The following ARHGEF37 variants were observed in gnomAD, a reference collection of about 807,000 sequenced individuals.
The protein encoded by ARHGEF37 is Rho guanine nucleotide exchange factor (GEF) 37.
A neutral mutation model predicts 71.1 loss-of-function variants in ARHGEF37; 55 were observed. That is an observed-to-expected ratio of 0.77 (90% confidence interval 0.62 to 0.97). The LOEUF (loss-of-function observed/expected upper bound fraction) is 0.97, where lower values mean the gene tolerates loss of function less well. Among genes scored for constraint, ARHGEF37 ranks in the 50% least tolerant of loss-of-function variants. The pLI is 0.00. For synonymous variants in ARHGEF37, 327 were observed against 350.6 expected (o/e 0.93, Z 0.75); for missense variants, 765 against 836.8 (o/e 0.91, Z 1.06).
At chr5:149,563,665 C>G (rs779128987) in intron 1 of ARHGEF37, among the ~76,000 whole-genome samples, 7 of 152,178 alleles carry the variant, frequency 4.6e-5, no homozygotes, top group Admixed American at 2.6e-4. Flanking sequence ...GGGAGGGAGA[C>G]AAGCTTTCAG....
Position 149,627,250 on chromosome 5 carries a change from C to T in ARHGEF37, c.1639C>T (p.Arg547Cys), listed in dbSNP as rs201376691. 3.2e-5 allele frequency: 51 copies of T among 1,613,806 alleles called. No individual in the cohort carries two copies. Among genetic ancestry groups the T allele is most frequent in the East Asian group, 6.7e-5 (3 of 44,860 alleles). ...CAAGGACACCAAAGGCAACAGCGGCCGCTGGCTGGTGGACACCGGGGGTAC... is the reference window on the plus strand; with the variant it reads ...CAAGGACACCAAAGGCAACAGCGGCTGCTGGCTGGTGGACACCGGGGGTAC... ...QNKDTKGNSG[R>C]WLVDTGGHRG... The change falls in exon 11 of 13, where the codon CGC becomes TGC. Residue 547 changes from arginine to cysteine, a missense_variant. Around this residue, in one of 5 missense-constraint regions of ARHGEF37, gnomAD observed 390 missense variants for 407.4 expected, o/e 0.96. Transcript: ENST00000333677.
chr5:149,563,675 G>T (rs1362973126), intron 1 of ARHGEF37, among the ~76,000 whole-genome samples: 1 of 152,174 alleles, frequency 6.6e-6, no homozygotes, highest in Non-Finnish European at 1.5e-5. Context: ...CAAGCTTTCA[G>T]CTGAAATAGA....
Position 149,618,964 on chromosome 5 carries a change from A to G in ARHGEF37, c.816A>G (p.Leu272=), listed in dbSNP as rs1338073004. ...CAGAAGACAAGGAATTTGATGATTTAGAAGAGAGGTTCCAGTGGGTGTCTC... is the reference window on the plus strand; with the variant it reads ...CAGAAGACAAGGAATTTGATGATTTGGAAGAGAGGTTCCAGTGGGTGTCTC... ...PRTEDKEFDD[L]EERFQWVSLC... Residue 272 remains leucine (L), a synonymous_variant, in exon 7 of 13, where the codon TTA becomes TTG. Transcript: ENST00000333677. 4 of 1,614,116 alleles carry G rather than the reference A, an allele frequency of 2.5e-6. No individual in the cohort carries two copies. The highest frequency in any genetic ancestry group is 3.4e-6 in the Non-Finnish European group (4 of 1,179,952).
chr5:149,583,439 A>G (rs191181658), intron 1 of ARHGEF37, among the ~76,000 whole-genome samples: 79 of 151,770 alleles, frequency 5.2e-4, no homozygotes, highest in African/African-American at 1.9e-3. Context: ...CCTGGCCTAT[A>G]GAGTTTGTTT....
rs192594157 is a variant in ARHGEF37, at chr5:149,631,195, G to A, written c.1819-787G>A. ...TTCTTTTTTTCTTTTTTTTTTTTTCGGGGTCTGGCTCTGTGGCCCAGGCTG... is the reference window on the plus strand; with the variant it reads ...TTCTTTTTTTCTTTTTTTTTTTTTCAGGGTCTGGCTCTGTGGCCCAGGCTG... On this transcript the variant is annotated intron_variant, in intron 12 of 12. Transcript: ENST00000333677. Among the ~76,000 whole-genome samples, 81 of 127,138 alleles carry A rather than the reference G, an allele frequency of 6.4e-4. 1 individual carries two copies. Among genetic ancestry groups the A allele is most frequent in the African/African-American group, 2.2e-3 (73 of 32,952 alleles). 83.4% of individuals were successfully genotyped at this position (127,138 alleles called of 152,430 possible).
At position 149,627,244 on chromosome 5, in the gene ARHGEF37, A is replaced by C; in HGVS notation, c.1633A>C (p.Ser545Arg). ...TCAAAACAAGGACACCAAAGGCAAC[A>C]GCGGCCGCTGGCTGGTGGACACCGG... ...ILQNKDTKGN[S>R]GRWLVDTGGH... Residue 545 changes from serine to arginine, a missense_variant, in exon 11 of 13, where the codon AGC becomes CGC. Physicochemically the swap from Ser to Arg is moderately radical, Grantham distance 110. Transcript: ENST00000333677. 1 of 1,613,914 alleles carries C rather than the reference A, an allele frequency of 6.2e-7. No individual in the cohort carries two copies. The highest frequency in any genetic ancestry group is 1.1e-5 in the South Asian group (1 of 91,078).
chr5:149,622,128 C>CACACACATCCT lies in ARHGEF37; in HGVS notation c.1335+67_1335+68insCACACATCCTA, dbSNP rs145421808. The CACACACATCCT allele has an allele frequency of 3.5e-3, 5,178 of 1,473,560 alleles. 162 individuals are homozygous for CACACACATCCT. In the African/African-American group the frequency reaches 0.066, roughly 19 times the overall value. The allele number at this position is 1,473,560 out of a possible 1,614,324, so 91.3% of individuals were successfully genotyped here. ...GGCAAGGCCCTGCAGCCCCATCAGC[C>CACACACATCCT]AGCTGTGTGTAGGGGCTAGGATGGA... On this transcript the variant is annotated intron_variant, in intron 9 of 12. Transcript: ENST00000333677.
At chr5:149,595,544 C>T (rs947298254) in intron 1 of ARHGEF37, among the ~76,000 whole-genome samples, 4 of 152,058 alleles carry the variant, frequency 2.6e-5, no homozygotes, top group Admixed American at 6.6e-5. Context: ...TTTCCTCTTT[C>T]CCTGTTTCTG....
At chr5:149,611,781 A>G (rs1046423889) in intron 4 of ARHGEF37, among the ~76,000 whole-genome samples, 11 of 152,252 alleles carry the variant, frequency 7.2e-5, no homozygotes, top group African/African-American at 2.2e-4. Flanking sequence ...GTAGTTCTCA[A>G]TTTTATCAGT....
intron 1 of ARHGEF37, among the ~76,000 whole-genome samples, chr5:149,597,526 T>C (rs1288046150): frequency 1.3e-5 from 2 of 152,180 alleles, no homozygotes; most frequent in African/African-American, 4.8e-5. Flanking sequence ...CCCAAAGTGC[T>C]GGGATTACAG....
rs770515537 is a variant in ARHGEF37 at position 149,616,767 on chromosome 5, G to A, written c.658+1G>A. 7.5e-6 allele frequency: 12 copies of A among 1,593,750 alleles called. No individual in the cohort carries two copies. In the South Asian group the frequency reaches 1.0e-4, roughly 13 times the overall value. On this transcript the variant is annotated splice_donor_variant, in intron 5 of 12. Coordinates refer to ENST00000333677, the MANE Select transcript of ARHGEF37 (RefSeq NM_001001669.3). LOFTEE classifies it high-confidence loss of function. ...GAGTACAAGATGCGCAAGGAAGTGG[G>A]TAAGGACTTGGGCATTTAAGGGGAC...
chr5:149,613,584 A>T (rs1193721073), intron 4 of ARHGEF37, among the ~76,000 whole-genome samples: 1 of 152,080 alleles, frequency 6.6e-6, no homozygotes, highest in East Asian at 1.9e-4. Flanking sequence ...TGACCTCGTG[A>T]TCTGCCAGTC....
intron 1 of ARHGEF37, among the ~76,000 whole-genome samples, chr5:149,593,381 T>C (rs371051007): frequency 6.6e-6 from 1 of 152,382 alleles, no homozygotes; most frequent in East Asian, 1.9e-4. Context: ...TTTCTATAGA[T>C]TAGCTTATTC....
intron 1 of ARHGEF37, among the ~76,000 whole-genome samples, chr5:149,587,983 G>A (rs1030905292): frequency 2.7e-5 from 4 of 146,110 alleles, no homozygotes; most frequent in Non-Finnish European, 5.9e-5. Flanking sequence ...TGCAACCTCC[G>A]CCTCCTGGGT....
intron 1 of ARHGEF37, among the ~76,000 whole-genome samples, chr5:149,573,292 GACAA>G (rs1762989421): frequency 1.3e-5 from 2 of 152,098 alleles, no homozygotes; most frequent in Non-Finnish European, 2.9e-5. Context: ...TTTTGGTAGG[GACAA>G]ACAAACTGTA....
At chr5:149,598,562 A>T (rs994308198) in intron 2 of ARHGEF37, among the ~76,000 whole-genome samples, 9 of 150,418 alleles carry the variant, frequency 6.0e-5, no homozygotes, top group African/African-American at 2.2e-4. Flanking sequence ...ACTGTCAGCG[A>T]CTTGGCCTGG....
At chr5:149,584,392 G>T (rs1335990903) in intron 1 of ARHGEF37, among the ~76,000 whole-genome samples, 3 of 152,124 alleles carry the variant, frequency 2.0e-5, no homozygotes, top group Non-Finnish European at 2.9e-5. Context: ...ATGTCTGTCT[G>T]CGTATGGGAG....
chr5:149,609,238 C>G (rs1764002144), intron 3 of ARHGEF37, among the ~76,000 whole-genome samples: 1 of 152,118 alleles, frequency 6.6e-6, no homozygotes, highest in African/African-American at 2.4e-5. Flanking sequence ...ATTTTGTGTA[C>G]TATAAAGCAC....
rs769138267 is a variant in ARHGEF37, at chr5:149,618,255, G to T, written c.738G>T (p.Lys246Asn). The T allele has an allele frequency of 1.9e-6, 3 of 1,614,200 alleles. No individual in the cohort carries two copies. The highest frequency in any genetic ancestry group is 2.2e-5 in the East Asian group (1 of 44,872). Residue 246 changes from lysine (K) to asparagine (N), a missense_variant, in exon 6 of 13, where the codon AAG (lysine) becomes AAT (asparagine). Lys to Asn is a moderately conservative substitution (Grantham distance 94). This residue lies in a region of ARHGEF37 where 167 missense variants were observed against 173.3 expected (regional missense o/e 0.96). Transcript: ENST00000333677. ...ARINTHTLSK[K>N]TTRLSQLLKQ... ...TCAACACACACACCCTCTCCAAGAA[G>T]ACCACCCGGCTGAGCCAGCTGCTGA... is the stretch of plus-strand genomic sequence containing the variant.
Sources: allele counts gnomAD v4.1 joint callset (sites outside exome capture counted in the v4.1 genomes callset), GRCh38; gene constraint gnomAD v4.1.1; regional missense constraint gnomAD v4.1.1; transcripts MANE v1.5; gene names NCBI Gene and HGNC (gene_info 2026-07-23, HGNC 2026-07-21).